Variants in NRCAM observed in about 807,000 individuals in gnomAD.
NRCAM encodes the protein NgCAM-related cell adhesion molecule.
Under a neutral mutation model 156.5 loss-of-function variants are expected in NRCAM, and 83 were observed. The ratio of observed to expected loss-of-function variants is 0.53; its 90% CI spans 0.44 to 0.64. The LOEUF (loss-of-function observed/expected upper bound fraction) is 0.64. Ranked by LOEUF, NRCAM falls within the 30% of genes least tolerant of loss-of-function variation. The pLI is 0.00. For missense variants in NRCAM, 1,417 were observed against 1,597.3 expected (o/e 0.89, Z 1.92); for synonymous variants, 538 against 563.9 (o/e 0.95, Z 0.65).
At chr7:108,167,445 T>C (rs796165538) in intron 29 of NRCAM, among the ~76,000 whole-genome samples, 6 of 140,612 alleles carry the variant, frequency 4.3e-5, no homozygotes, top group African/African-American at 1.3e-4. Context: ...AAGTGAACTA[T>C]GGGAAGAATT....
chr7:108,195,678 T>C (rs913969079), intron 15 of NRCAM, 83 bp downstream of exon 15: 14 of 813,956 alleles, frequency 1.7e-5, no homozygotes, highest in African/African-American at 3.4e-5. Flanking sequence ...TGTTTGTTTT[T>C]TGAATAAAAC....
At chr7:108,423,229 G>A (rs747853342) in intron 1 of NRCAM, among the ~76,000 whole-genome samples, 9 of 151,986 alleles carry the variant, frequency 5.9e-5, no homozygotes, top group Non-Finnish European at 1.3e-4. Flanking sequence ...GGTAGCTGAG[G>A]GGAGAAAGGA....
At chr7:108,250,285 G>GCCC (rs2096251745) in intron 3 of NRCAM, among the ~76,000 whole-genome samples, 1 of 151,994 alleles carries the variant, frequency 6.6e-6, no homozygotes, top group Admixed American at 6.6e-5. Context: ...AATAAGCTGG[G>GCCC]CATGGTGGCG....
intron 2 of NRCAM, among the ~76,000 whole-genome samples, chr7:108,356,948 G>A (rs904443718): frequency 3.3e-5 from 5 of 152,126 alleles, no homozygotes; most frequent in Non-Finnish European, 7.3e-5. Context: ...TAGTGCCTTC[G>A]TAAGAAAAGA....
chr7:108,288,092 A>G (rs1474484748), intron 3 of NRCAM, among the ~76,000 whole-genome samples: 2 of 152,156 alleles, frequency 1.3e-5, no homozygotes, highest in East Asian at 3.8e-4. Context: ...TTGCAGCAGA[A>G]TGGATTGAAC....
At chr7:108,277,715 C>T (rs745876739) in intron 3 of NRCAM, among the ~76,000 whole-genome samples, 4 of 151,958 alleles carry the variant, frequency 2.6e-5, no homozygotes, top group Non-Finnish European at 4.4e-5. Context: ...GTGTTACTAC[C>T]AACCTTCTGA....
intron 3 of NRCAM, among the ~76,000 whole-genome samples, chr7:108,256,041 G>T (rs1487596435): frequency 1.3e-5 from 2 of 151,434 alleles, no homozygotes; most frequent in Non-Finnish European, 1.5e-5. Flanking sequence ...ACCCCGTCCG[G>T]GAGGTGGGGG....
intron 2 of NRCAM, among the ~76,000 whole-genome samples, chr7:108,351,445 C>G (rs1201301964): frequency 6.6e-6 from 1 of 152,228 alleles, no homozygotes; most frequent in Non-Finnish European, 1.5e-5. Context: ...CCTTACAGAA[C>G]AGACTAGCTT....
At chr7:108,231,391 GAGAATTTATACTACATACATCATC>G in intron 7 of NRCAM, among the ~76,000 whole-genome samples, 1 of 152,268 alleles carries the variant, frequency 6.6e-6, no homozygotes, top group South Asian at 2.1e-4. Context: ...TTCCACAGCT[GAGAATTTATACTACATACATCATC>G]AGGAAGACAA....
chr7:108,243,736 T>C (rs1354646796), intron 3 of NRCAM, among the ~76,000 whole-genome samples: 1 of 152,188 alleles, frequency 6.6e-6, no homozygotes, highest in African/African-American at 2.4e-5. Context: ...CACATATTGC[T>C]AAAAGGACTG....
intron 2 of NRCAM, among the ~76,000 whole-genome samples, chr7:108,399,214 C>G (rs767140587): frequency 3.8e-4 from 57 of 151,848 alleles, no homozygotes; most frequent in Non-Finnish European, 7.1e-4. Context: ...TTCATAAGAT[C>G]AGAGCTCCAA....
intron 1 of NRCAM, among the ~76,000 whole-genome samples, chr7:108,409,336 T>A (rs570431251): frequency 1.4e-3 from 206 of 152,278 alleles, no homozygotes; most frequent in African/African-American, 4.5e-3. Flanking sequence ...TCTGGCAACT[T>A]CCAATAACCA....
At chr7:108,350,395 G>A (rs1023350575) in intron 2 of NRCAM, among the ~76,000 whole-genome samples, 1 of 152,196 alleles carries the variant, frequency 6.6e-6, no homozygotes, top group Admixed American at 6.5e-5. Flanking sequence ...GGAGTGCTCA[G>A]CCTAGGTGCG....
At chr7:108,247,040 CAGT>C (rs1420267323) in intron 3 of NRCAM, among the ~76,000 whole-genome samples, 2 of 152,064 alleles carry the variant, frequency 1.3e-5, no homozygotes, top group Non-Finnish European at 2.9e-5. Flanking sequence ...GATGAGAAGC[CAGT>C]GGAAAGAGAC....
At chr7:108,232,644 G>A (rs184319182) in intron 6 of NRCAM, 122 bp from the exon 7 acceptor site, 10 of 629,214 alleles carry the variant, frequency 1.6e-5, no homozygotes, top group Admixed American at 3.6e-5. Flanking sequence ...TTCAGTAAGA[G>A]AGCAATAAGC....
intron 2 of NRCAM, among the ~76,000 whole-genome samples, chr7:108,338,458 G>A (rs910953696): frequency 1.3e-5 from 2 of 152,098 alleles, no homozygotes; most frequent in African/African-American, 4.8e-5. Flanking sequence ...TACCGATTTA[G>A]GTATACAGTT....
chr7:108,320,056 TA>T (rs560558518), intron 2 of NRCAM, among the ~76,000 whole-genome samples: 3 of 152,160 alleles, frequency 2.0e-5, no homozygotes, highest in African/African-American at 7.2e-5. Flanking sequence ...TATACAGTTA[TA>T]AAAAAACACT....
At chr7:108,418,581 AC>A (rs1288257127) in intron 1 of NRCAM, among the ~76,000 whole-genome samples, 1 of 151,522 alleles carries the variant, frequency 6.6e-6, no homozygotes, top group Non-Finnish European at 1.5e-5. Context: ...ACACACACAC[AC>A]ACACACACAC....
chr7:108,197,437 A>G (rs2075739323), intron 14 of NRCAM, among the ~76,000 whole-genome samples: 1 of 152,186 alleles, frequency 6.6e-6, no homozygotes, highest in Non-Finnish European at 1.5e-5. Context: ...AGTTTTGTCC[A>G]ATATAAGAAA....
Sources: allele counts gnomAD v4.1 joint callset (sites outside exome capture counted in the v4.1 genomes callset), GRCh38; gene constraint gnomAD v4.1.1; transcripts MANE v1.5; gene names NCBI Gene and HGNC (gene_info 2026-07-23, HGNC 2026-07-21).